The following STON1 variants were observed in gnomAD, a reference collection of about 807,000 sequenced individuals.
STON1 encodes the protein stonin-1.
A neutral mutation model predicts 60.9 loss-of-function variants in STON1; 79 were observed. The observed-to-expected ratio is 1.30, with a 90% confidence interval of 1.08 to 1.56. STON1 has a LOEUF of 1.56. Ranked by LOEUF, STON1 falls within the 40% of genes most tolerant of loss-of-function variation. STON1 has a pLI of 0.00. For synonymous variants in STON1, 363 were observed against 306.9 expected (o/e 1.18, Z -1.91); for missense variants, 1,166 against 858.9 (o/e 1.36, Z -4.47).
At chr2:48,579,033 C>T (rs935770525) in intron 1 of STON1, among the ~76,000 whole-genome samples, 1 of 150,834 alleles carries the variant, frequency 6.6e-6, no homozygotes, top group Non-Finnish European at 1.5e-5. Flanking sequence ...GACAAAGTTT[C>T]GTTCTCCTTG....
intron 1 of STON1, 137 bp from the exon 2 acceptor site, chr2:48,580,450 T>G: frequency 2.3e-6 from 2 of 864,930 alleles, no homozygotes; most frequent in Non-Finnish European, 3.0e-6. Flanking sequence ...TACAGTTGGA[T>G]CATGTTTTTT....
intron 1 of STON1, among the ~76,000 whole-genome samples, chr2:48,547,737 C>T (rs764814316): frequency 3.9e-5 from 6 of 152,118 alleles, no homozygotes; most frequent in Admixed American, 1.3e-4. Flanking sequence ...TGATGTCTCC[C>T]GGAGCATAGA....
rs1674754068 is a variant in STON1, at chr2:48,595,616, G to A, written c.*314G>A. The A allele has an allele frequency of 3.4e-5, 11 of 322,544 alleles. No individual in the cohort carries two copies. The highest frequency in any genetic ancestry group is 9.2e-4 in the Middle Eastern group (1 of 1,084). The allele number at this position is 322,544 out of a possible 1,614,324, so 20.0% of individuals were successfully genotyped here. On this transcript the variant is annotated 3_prime_UTR_variant, in exon 4 of 4. Transcript: ENST00000404752. ...CAGTATGATTTTTGATTACTCAGTGGCTGACTGTTTTGCTCTCTGGATTAC... is the reference window on the plus strand; with the variant it reads ...CAGTATGATTTTTGATTACTCAGTGACTGACTGTTTTGCTCTCTGGATTAC...
chr2:48,555,425 C>T (rs1274015114), intron 1 of STON1, among the ~76,000 whole-genome samples: 1 of 79,770 alleles, frequency 1.3e-5, no homozygotes, highest in African/African-American at 4.8e-5. Flanking sequence ...ACCTACCGGA[C>T]GGGGCCACTG....
At chr2:48,591,310 CTAAT>C (rs1674498158) in intron 2 of STON1, among the ~76,000 whole-genome samples, 1 of 150,084 alleles carries the variant, frequency 6.7e-6, no homozygotes, top group Non-Finnish European at 1.5e-5. Flanking sequence ...AGTAATATTT[CTAAT>C]TAATATTAGT....
chr2:48,580,454 G>A (rs1019056779), intron 1 of STON1, 133 bp from the exon 2 acceptor site: 1 of 862,622 alleles, frequency 1.2e-6, no homozygotes, highest in African/African-American at 1.8e-5. Flanking sequence ...GTTGGATCAT[G>A]TTTTTTTTTT....
chr2:48,548,725 A>G (rs749290073), intron 1 of STON1, among the ~76,000 whole-genome samples: 6 of 151,860 alleles, frequency 4.0e-5, no homozygotes, highest in Non-Finnish European at 8.8e-5. Context: ...GTCTTGAACT[A>G]CTGACCTCAG....
intron 1 of STON1, among the ~76,000 whole-genome samples, chr2:48,534,713 A>G (rs1286477539): frequency 6.6e-6 from 1 of 152,086 alleles, no homozygotes; most frequent in Non-Finnish European, 1.5e-5. Flanking sequence ...AGCCTAGGAG[A>G]TGGAGGCTTC....
At chr2:48,574,987 GAA>G (rs1199787711) in intron 1 of STON1, among the ~76,000 whole-genome samples, 2 of 152,176 alleles carry the variant, frequency 1.3e-5, no homozygotes, top group African/African-American at 2.4e-5. Context: ...TTACATAACT[GAA>G]ACTATATCCA....
chr2:48,580,648 T>C lies in STON1; in HGVS notation c.15T>C (p.Asn5=). Residue 5 remains asparagine (N), a synonymous_variant, in exon 2 of 4, where the codon AAT becomes AAC. Transcript: ENST00000404752. ...TGATCCCAAAGATGTGCTCCACAAA[T>C]CCAGGCAAATGGGTCACCTTTGATG... MCST[N]PGKWVTFDDD... The C allele has an allele frequency of 4.4e-6, 6 of 1,371,784 alleles. No homozygotes were observed. Among genetic ancestry groups the C allele is most frequent in the Non-Finnish European group, 5.7e-6 (6 of 1,056,632 alleles). 85.0% of individuals were successfully genotyped at this position (1,371,784 alleles called of 1,614,324 possible). A position where few individuals can be genotyped will look rare whatever the true frequency, so the allele number is the denominator to read the frequency against.
intron 1 of STON1, among the ~76,000 whole-genome samples, chr2:48,543,529 CTTTTTTT>C (rs869048449): frequency 7.8e-6 from 1 of 128,212 alleles, no homozygotes; most frequent in African/African-American, 3.0e-5. Context: ...TTAAAGATAA[CTTTTTTT>C]TTTTTTTTTT....
chr2:48,577,471 C>G (rs577086563), intron 1 of STON1, among the ~76,000 whole-genome samples: 6 of 151,688 alleles, frequency 4.0e-5, no homozygotes, highest in East Asian at 2.0e-4. Flanking sequence ...ATCCCAGCTA[C>G]TCAGGAGGCT....
At chr2:48,580,002 G>C (rs1212432535) in intron 1 of STON1, among the ~76,000 whole-genome samples, 1 of 152,130 alleles carries the variant, frequency 6.6e-6, no homozygotes, top group Non-Finnish European at 1.5e-5. Context: ...TGCCTCCCAG[G>C]TTCAAGAGAT....
At position 48,551,919 on chromosome 2, in the gene STON1, G is replaced by C. The variant is rs1415118701; in HGVS notation, c.-48+21703G>C. 4.6e-5 allele frequency among the ~76,000 whole-genome samples: 7 copies of C among 152,336 alleles called. No individual in the cohort carries two copies. In the East Asian group the frequency reaches 1.4e-3, roughly 29 times the overall value. On this transcript the variant is annotated intron_variant, in intron 1 of 3. Coordinates refer to ENST00000404752, the MANE Select transcript of STON1 (RefSeq NM_006873.4). ...AAGTGATGTTGGGAGCTCCAACCCG[G>C]ATTCCTGGTCAGTCACCAACTTCAC...
chr2:48,569,312 G>C (rs996277538), intron 1 of STON1, among the ~76,000 whole-genome samples: 2 of 152,210 alleles, frequency 1.3e-5, no homozygotes, highest in Non-Finnish European at 2.9e-5. Context: ...TTGAACTGGG[G>C]AGGGCAGTAG....
rs772263361 is a variant in STON1, at chr2:48,581,499, T to C, written c.866T>C (p.Met289Thr). Residue 289 changes from methionine (M) to threonine (T), a missense_variant, in exon 2 of 4, where the codon ATG becomes ACG. Transcript: ENST00000404752. ...MLRIPEKKNM[M>T]SSRQWGPIFL... Reference sequence around the variant, plus strand: ...AGAATTCCTGAGAAGAAGAATATGATGTCTTCCCGGCAATGGGGACCAATT... The same window carrying C: ...AGAATTCCTGAGAAGAAGAATATGACGTCTTCCCGGCAATGGGGACCAATT... 2.5e-6 allele frequency: 4 copies of C among 1,614,104 alleles called. No homozygotes were observed. Among genetic ancestry groups the C allele is most frequent in the Admixed American group, 1.7e-5 (1 of 60,000 alleles).
chr2:48,547,077 C>A (rs1671890651), intron 1 of STON1, among the ~76,000 whole-genome samples: 1 of 152,188 alleles, frequency 6.6e-6, no homozygotes, highest in African/African-American at 2.4e-5. Context: ...CATAATGTAA[C>A]CTTACTTCCT....
intron 1 of STON1, among the ~76,000 whole-genome samples, chr2:48,540,999 A>T (rs1412139602): frequency 6.6e-6 from 1 of 152,258 alleles, no homozygotes; most frequent in Non-Finnish European, 1.5e-5. Flanking sequence ...CCAATCCGTC[A>T]TACTGACTGA....
At chr2:48,548,041 A>C (rs1035461050) in intron 1 of STON1, among the ~76,000 whole-genome samples, 1 of 152,230 alleles carries the variant, frequency 6.6e-6, no homozygotes, top group Non-Finnish European at 1.5e-5. Flanking sequence ...TGATCTCAGC[A>C]TGCCCTGATG....
Sources: allele counts gnomAD v4.1 joint callset (sites outside exome capture counted in the v4.1 genomes callset), GRCh38; gene constraint gnomAD v4.1.1; transcripts MANE v1.5; gene names NCBI Gene and HGNC (gene_info 2026-07-23, HGNC 2026-07-21).